The following ITSN1 variants were observed in gnomAD, a reference collection of about 807,000 sequenced individuals.
ITSN1 encodes the protein intersectin-1.
A neutral mutation model predicts 239.8 loss-of-function variants in ITSN1; 58 were observed. That is an observed-to-expected ratio of 0.24 (90% CI 0.20 to 0.30). The LOEUF (loss-of-function observed/expected upper bound fraction) is 0.30. ITSN1 is among the 10% of genes least tolerant of loss of function. The pLI is 1.00. For missense variants in ITSN1, 1,558 were observed against 2,103.3 expected (o/e 0.74, Z 5.07); for synonymous variants, 780 against 770.8 (o/e 1.01, Z -0.20).
intron 1 of ITSN1, among the ~76,000 whole-genome samples, chr21:33,700,951 C>CTG (rs72389168): frequency 0.11 from 14,967 of 141,698 alleles, 778 homozygotes; most frequent in African/African-American, 0.12. Flanking sequence ...TTTCTTTTTT[C>CTG]TGTGTGTGTG....
intron 21 of ITSN1, 65 bp from the exon 22 acceptor site, chr21:33,813,848 T>G: frequency 7.3e-7 from 1 of 1,377,640 alleles, no homozygotes. Context: ...GGTACTTTAC[T>G]GTGGGTAAAA....
intron 5 of ITSN1, among the ~76,000 whole-genome samples, chr21:33,735,928 A>C (rs563748438): frequency 1.3e-5 from 2 of 152,290 alleles, no homozygotes; most frequent in South Asian, 4.1e-4. Context: ...CCTGGGAGGC[A>C]GTGGCTGCAG....
At chr21:33,711,454 T>A (rs1406228362) in intron 1 of ITSN1, among the ~76,000 whole-genome samples, 2 of 152,188 alleles carry the variant, frequency 1.3e-5, no homozygotes, top group Non-Finnish European at 2.9e-5. Context: ...TTTTTTCTGT[T>A]ATTGTTTAGA....
In ITSN1 at chr21:33,897,289, C is replaced by A. The variant is rs1986838387; in HGVS notation, c.*8989C>A. On this transcript the variant is annotated 3_prime_UTR_variant, in exon 40 of 40. Transcript: ENST00000381318. ...AGCCGGAGTCTGTGCCCTCCATGAC[C>A]CTTCTTATCCCTTGGTGGCCCTGCA... 1 of 152,330 alleles carries A rather than the reference C, an allele frequency of 6.6e-6. No individual in the cohort carries two copies. Among genetic ancestry groups the A allele is most frequent in the Non-Finnish European group, 1.5e-5 (1 of 68,060 alleles). 9.4% of individuals were successfully genotyped at this position (152,330 alleles called of 1,614,324 possible).
intron 19 of ITSN1, 117 bp from the exon 20 acceptor site, chr21:33,802,313 T>G: frequency 2.1e-6 from 2 of 953,770 alleles, no homozygotes; most frequent in Non-Finnish European, 3.3e-6. Context: ...TTCCTCGAAT[T>G]GGCTAGTTAA....
At chr21:33,805,820 C>T (rs1295223111) in intron 20 of ITSN1, among the ~76,000 whole-genome samples, 3 of 151,042 alleles carry the variant, frequency 2.0e-5, no homozygotes, top group African/African-American at 7.3e-5. Context: ...TACAGGCACC[C>T]GCCACCACGC....
chr21:33,710,006 G>A (rs181413390), intron 1 of ITSN1, among the ~76,000 whole-genome samples: 46 of 151,378 alleles, frequency 3.0e-4, no homozygotes, highest in Admixed American at 6.6e-4. Flanking sequence ...TTAGATGTAG[G>A]TTGTTCATGG....
intron 14 of ITSN1, among the ~76,000 whole-genome samples, chr21:33,781,221 G>C: frequency 6.6e-6 from 1 of 152,154 alleles, no homozygotes; most frequent in East Asian, 1.9e-4. Context: ...TATCCGGTAA[G>C]TCAACAAAAA....
At chr21:33,690,845 GT>G (rs2091510641) in intron 1 of ITSN1, among the ~76,000 whole-genome samples, 1 of 34,814 alleles carries the variant, frequency 2.9e-5, no homozygotes, top group African/African-American at 9.8e-5. Flanking sequence ...ATATGTAAAA[GT>G]TAAAAAAAAA....
Position 33,753,291 on chromosome 21 carries a change from C to T in ITSN1, c.623+1385C>T, listed in dbSNP as rs115980730. Reference sequence around the variant, plus strand: ...CAATATGTATTGGGCATCTACTTTGCCAGGCACATCATTAATCCTATTCAA... The same window carrying T: ...CAATATGTATTGGGCATCTACTTTGTCAGGCACATCATTAATCCTATTCAA... On this transcript the variant is annotated intron_variant, in intron 7 of 39. Transcript: ENST00000381318. Among the ~76,000 whole-genome samples the T allele has an allele frequency of 6.3e-3, 953 of 152,286 alleles. 9 individuals are homozygous for T. The highest frequency in any genetic ancestry group is 0.022 in the African/African-American group (905 of 41,552).
At chr21:33,746,481 A>C (rs527925003) in intron 5 of ITSN1, among the ~76,000 whole-genome samples, 11 of 152,322 alleles carry the variant, frequency 7.2e-5, no homozygotes, top group Non-Finnish European at 1.2e-4. Context: ...ACTCTCCAAA[A>C]AACAATAGAA....
chr21:33,733,697 C>T (rs1442197829), intron 4 of ITSN1, among the ~76,000 whole-genome samples: 1 of 151,930 alleles, frequency 6.6e-6, no homozygotes, highest in Admixed American at 6.6e-5. Context: ...CAAATGGCCA[C>T]GAAATACAGA....
chr21:33,775,157 T>C, intron 14 of ITSN1, 49 bp downstream of exon 14: 7 of 1,560,512 alleles, frequency 4.5e-6, no homozygotes, highest in Non-Finnish European at 6.1e-6. Context: ...TGGCATCCTT[T>C]TCTCTAATTC....
Position 33,722,655 on chromosome 21 carries a change from A to G in ITSN1, c.185+4A>G, listed in dbSNP as rs764512085. The G allele has an allele frequency of 5.1e-6, 8 of 1,559,208 alleles. No individual in the cohort carries two copies. Among genetic ancestry groups the G allele is most frequent in the Non-Finnish European group, 6.0e-6 (7 of 1,160,920 alleles). On this transcript the variant is annotated splice_donor_region_variant and intron_variant, in intron 4 of 39. Coordinates refer to ENST00000381318, the MANE Select transcript of ITSN1 (RefSeq NM_003024.3). ...AACCTGTTTTAGCACAGATATGGTA[A>G]GTTGGAATTTTACATGAAATTTTAC... is the stretch of plus-strand genomic sequence containing the variant.
intron 14 of ITSN1, among the ~76,000 whole-genome samples, chr21:33,780,259 A>C (rs1341793066): frequency 1.3e-5 from 2 of 152,238 alleles, no homozygotes; most frequent in African/African-American, 4.8e-5. Context: ...TTAAAGATTG[A>C]TGTTTAGACT....
intron 9 of ITSN1, among the ~76,000 whole-genome samples, chr21:33,765,428 G>T (rs1473303806): frequency 1.3e-5 from 2 of 152,146 alleles, no homozygotes; most frequent in Middle Eastern, 3.2e-3. Context: ...GCCCGGAAAG[G>T]CTGTGGTGAA....
intron 29 of ITSN1, among the ~76,000 whole-genome samples, chr21:33,851,800 C>CTTTTT (rs1746447728): frequency 6.5e-5 from 1 of 15,424 alleles, no homozygotes; most frequent in African/African-American, 3.1e-4. Context: ...TTTTTTTTTC[C>CTTTTT]TGAGACAGGT....
At chr21:33,731,706 A>G (rs2066196787) in intron 4 of ITSN1, among the ~76,000 whole-genome samples, 1 of 152,216 alleles carries the variant, frequency 6.6e-6, no homozygotes, top group Non-Finnish European at 1.5e-5. Context: ...GGAAGAAGAA[A>G]ACTTGTGATC....
intron 1 of ITSN1, among the ~76,000 whole-genome samples, chr21:33,693,396 G>T (rs2091643154): frequency 6.6e-6 from 1 of 151,282 alleles, no homozygotes; most frequent in Non-Finnish European, 1.5e-5. Flanking sequence ...TACTCTTATT[G>T]TCCAGGCTGG....
Sources: gnomAD v4.1 joint callset for allele counts (sites outside exome capture counted in the v4.1 genomes callset) on GRCh38, gnomAD v4.1.1 for gene constraint, MANE v1.5 for transcripts, NCBI Gene and HGNC (gene_info 2026-07-23, HGNC 2026-07-21) for gene names.